LRRFIP2: variants seen among roughly 807,000 people sequenced by gnomAD.
LRRFIP2 encodes leucine-rich repeat flightless-interacting protein 2.
A neutral mutation model predicts 125.9 loss-of-function variants in LRRFIP2; 109 were observed. The ratio of observed to expected loss-of-function variants is 0.87; its 90% CI spans 0.74 to 1.01. The LOEUF is 1.01. Among genes scored for constraint, LRRFIP2 ranks in the 50% least tolerant of loss-of-function variants. The probability of loss-of-function intolerance (pLI) is 0.00; values close to 1 mark genes in which losing one functional copy is unlikely to be tolerated. For synonymous variants in LRRFIP2, 291 were observed against 293.1 expected, an observed-to-expected ratio of 0.99 and a Z score of 0.07; for missense variants, 850 against 862.3, an observed-to-expected ratio of 0.99 and a Z score of 0.18.
intron 8 of LRRFIP2, chr3:37,111,821 C>G (rs1205955427): frequency 6.5e-6 from 1 of 152,830 alleles, no homozygotes; most frequent in Non-Finnish European, 1.5e-5. Context: ...GCACCTAAGG[C>G]TCACCTCTCC....
intron 15 of LRRFIP2, among the ~76,000 whole-genome samples, chr3:37,097,221 C>T (rs2093765286): frequency 6.6e-6 from 1 of 150,632 alleles, no homozygotes; most frequent in Admixed American, 6.6e-5. Flanking sequence ...AATCAAACAG[C>T]ACAAAAGAGT....
At chr3:37,076,758 C>A (rs1042951062) in intron 19 of LRRFIP2, among the ~76,000 whole-genome samples, 1 of 151,438 alleles carries the variant, frequency 6.6e-6, no homozygotes, top group African/African-American at 2.4e-5. Flanking sequence ...CCCAGCTACT[C>A]GGGAGGCTGA....
Position 37,102,974 on chromosome 3 carries a change from C to G in LRRFIP2, c.823G>C (p.Gly275Arg), listed in dbSNP as rs1404975155. Reference sequence around the variant, plus strand: ...TCATCCACCTCAGAGACAACACTTCCCCTACGATTGGAGCGACTGAAATAA... The same window carrying G: ...TCATCCACCTCAGAGACAACACTTCGCCTACGATTGGAGCGACTGAAATAA... ...ADYFSRSNRRGSVVSEVDDIS... is the reference protein window; with the variant it reads ...ADYFSRSNRRRSVVSEVDDIS... The change falls in exon 15 of 28, where the codon GGA (glycine) becomes CGA (arginine). Residue 275 changes from glycine to arginine, a missense_variant. Transcript: ENST00000336686. 1.3e-6 allele frequency: 2 copies of G among 1,566,706 alleles called. No homozygotes were observed. The highest frequency in any genetic ancestry group is 4.7e-5 in the East Asian group (2 of 42,974).
chr3:37,070,534 G>A (rs1576030873), intron 21 of LRRFIP2, among the ~76,000 whole-genome samples: 5 of 150,694 alleles, frequency 3.3e-5, no homozygotes, highest in Admixed American at 1.3e-4. Context: ...TCAGGAGTTC[G>A]AGACCAGCCT....
intron 4 of LRRFIP2, among the ~76,000 whole-genome samples, chr3:37,126,259 A>G (rs1467145755): frequency 6.6e-6 from 1 of 152,062 alleles, no homozygotes; most frequent in Non-Finnish European, 1.5e-5. Flanking sequence ...CAAACTCCTG[A>G]CCTCAGGTAA....
chr3:37,088,210 T>C (rs2093201461), intron 18 of LRRFIP2, among the ~76,000 whole-genome samples: 1 of 152,188 alleles, frequency 6.6e-6, no homozygotes, highest in Admixed American at 6.5e-5. Context: ...ACATGATACC[T>C]TCATTGTTTT....
intron 2 of LRRFIP2, among the ~76,000 whole-genome samples, chr3:37,146,945 A>G (rs1035374801): frequency 6.6e-6 from 1 of 152,222 alleles, no homozygotes; most frequent in African/African-American, 2.4e-5. Context: ...AAAATGGGAG[A>G]AAATTTTTGC....
At chr3:37,109,424 A>G in intron 11 of LRRFIP2, 103 bp downstream of exon 11, 1 of 1,250,828 alleles carries the variant, frequency 8.0e-7, no homozygotes. Context: ...CACTAAAATC[A>G]TGTGTCCTTA....
At chr3:37,063,160 A>G (rs2089234891) in intron 24 of LRRFIP2, among the ~76,000 whole-genome samples, 1 of 152,228 alleles carries the variant, frequency 6.6e-6, no homozygotes, top group South Asian at 2.1e-4. Context: ...AGAGGAAACT[A>G]ATAGTTCTGA....
At chr3:37,159,161 A>T (rs74576661) in intron 1 of LRRFIP2, among the ~76,000 whole-genome samples, 3,381 of 152,222 alleles carry the variant, frequency 0.022, 118 homozygotes, top group African/African-American at 0.077. Context: ...TCATTTTCAT[A>T]TATGGTATAA....
chr3:37,145,518 T>C (rs564164195), intron 2 of LRRFIP2, among the ~76,000 whole-genome samples: 1 of 152,318 alleles, frequency 6.6e-6, no homozygotes, highest in South Asian at 2.1e-4. Context: ...CCTGTAAGTC[T>C]CCAAAGCCCA....
chr3:37,107,722 G>A (rs1185984402), intron 13 of LRRFIP2, among the ~76,000 whole-genome samples: 4 of 152,052 alleles, frequency 2.6e-5, no homozygotes, highest in African/African-American at 9.7e-5. Context: ...ATGGCTCAAT[G>A]TGCAGAATGT....
At chr3:37,148,743 A>C (rs1283177228) in intron 2 of LRRFIP2, 151 bp downstream of exon 2, 6 of 682,528 alleles carry the variant, frequency 8.8e-6, no homozygotes, top group Non-Finnish European at 1.4e-5. Flanking sequence ...ATTTTATTCT[A>C]ACACACTATT....
Position 37,083,812 on chromosome 3 carries a change from T to C in LRRFIP2, c.1108-6A>G. 1 of 1,585,554 alleles carries C rather than the reference T, an allele frequency of 6.3e-7. No individual in the cohort carries two copies. The highest frequency in any genetic ancestry group is 1.7e-4 in the Middle Eastern group (1 of 5,982). On this transcript the variant is annotated splice_polypyrimidine_tract_variant and splice_region_variant and intron_variant, in intron 18 of 27. Coordinates refer to ENST00000336686, the MANE Select transcript of LRRFIP2 (RefSeq NM_006309.4). ...TCCACTTCAGACAAAGATTCCTAAATGAGAGTTAAGTCATCAGTCTGATAT... is the reference window on the plus strand; with the variant it reads ...TCCACTTCAGACAAAGATTCCTAAACGAGAGTTAAGTCATCAGTCTGATAT...
chr3:37,053,832 A>G lies in LRRFIP2; in HGVS notation c.*19T>C, dbSNP rs1227732502. ...GGTAGGGCCCCAAGGAGCATCACCCAGGTTGAAGGGTGGTTTTCCTACTGC... is the reference window on the plus strand; with the variant it reads ...GGTAGGGCCCCAAGGAGCATCACCCGGGTTGAAGGGTGGTTTTCCTACTGC... On this transcript the variant is annotated 3_prime_UTR_variant, in exon 28 of 28. Coordinates refer to ENST00000336686, the MANE Select transcript of LRRFIP2 (RefSeq NM_006309.4). 4 of 1,541,804 alleles carry G rather than the reference A, an allele frequency of 2.6e-6. No individual in the cohort carries two copies. The South Asian group carries it at 4.5e-5, about 17-fold the overall frequency.
intron 2 of LRRFIP2, among the ~76,000 whole-genome samples, chr3:37,136,066 C>G (rs998189485): frequency 6.6e-6 from 1 of 152,104 alleles, no homozygotes; most frequent in Non-Finnish European, 1.5e-5. Flanking sequence ...ACGAATAAAC[C>G]AGCGAGATTA....
intron 20 of LRRFIP2, 36 bp from the exon 21 acceptor site, chr3:37,072,918 G>A: frequency 1.4e-6 from 2 of 1,400,248 alleles, no homozygotes; most frequent in Non-Finnish European, 2.0e-6. Context: ...TAATAAAAGA[G>A]CAGAAAGAAA....
At chr3:37,122,415 T>C (rs887409875) in intron 4 of LRRFIP2, among the ~76,000 whole-genome samples, 20 of 152,082 alleles carry the variant, frequency 1.3e-4, no homozygotes, top group Non-Finnish European at 2.5e-4. Flanking sequence ...GAGTTCAATA[T>C]ACCAAGATAA....
At chr3:37,132,390 A>G (rs1045512218) in intron 2 of LRRFIP2, among the ~76,000 whole-genome samples, 1 of 152,172 alleles carries the variant, frequency 6.6e-6, no homozygotes, top group Admixed American at 6.5e-5. Flanking sequence ...CTAAAATGAG[A>G]CTTCCTTCAT....
Sources: gnomAD v4.1 joint callset for allele counts (sites outside exome capture counted in the v4.1 genomes callset) on GRCh38, gnomAD v4.1.1 for gene constraint, MANE v1.5 for transcripts, NCBI Gene and HGNC (gene_info 2026-07-23, HGNC 2026-07-21) for gene names.